Variants in RIC8B observed in about 807,000 individuals in gnomAD.
RIC8B encodes the protein RIC8 guanine nucleotide exchange factor B.
In RIC8B, 16 loss-of-function variants were observed where a neutral mutation model predicts 57.5. The ratio of observed to expected loss-of-function variants is 0.28; its 90% CI spans 0.19 to 0.42. RIC8B has a LOEUF of 0.42. Ranked by LOEUF, RIC8B falls within the 10% of genes least tolerant of loss-of-function variation. RIC8B has a pLI of 1.00. For missense variants in RIC8B, 481 were observed against 677.0 expected, an observed-to-expected ratio of 0.71 and a Z score of 3.21; for synonymous variants, 216 against 250.8, an observed-to-expected ratio of 0.86 and a Z score of 1.31.
At chr12:106,805,743 T>C (rs1350146551) in intron 2 of RIC8B, among the ~76,000 whole-genome samples, 1 of 152,190 alleles carries the variant, frequency 6.6e-6, no homozygotes, top group Admixed American at 6.5e-5. Context: ...CTGGATTAAT[T>C]CCAGACTCTT....
At chr12:106,877,343 C>T (rs772300993) in intron 9 of RIC8B, among the ~76,000 whole-genome samples, 10 of 152,078 alleles carry the variant, frequency 6.6e-5, no homozygotes, top group Non-Finnish European at 5.9e-5. Context: ...AAATTACCAA[C>T]AGCTCTCAAA....
At chr12:106,817,655 T>TAA (rs1179219365) in intron 3 of RIC8B, among the ~76,000 whole-genome samples, 5 of 144,664 alleles carry the variant, frequency 3.5e-5, no homozygotes, top group Non-Finnish European at 6.1e-5. Context: ...CCGTCTCTAC[T>TAA]AAAAAAAAAA....
intron 2 of RIC8B, among the ~76,000 whole-genome samples, chr12:106,785,528 C>A (rs1423905781): frequency 6.6e-6 from 1 of 152,056 alleles, no homozygotes. Context: ...TTGGAGTGCC[C>A]AGCACATAAT....
chr12:106,809,744 A>G (rs2045247670), intron 2 of RIC8B, among the ~76,000 whole-genome samples: 2 of 152,108 alleles, frequency 1.3e-5, no homozygotes, highest in African/African-American at 4.8e-5. Context: ...TACATGTGAT[A>G]CTTTGACACA....
Position 106,887,633 on chromosome 12 carries a change from G to T in RIC8B, c.*1618G>T, listed in dbSNP as rs1354893736. Reference sequence around the variant, plus strand: ...ACATGTTTTATTAGCTGGCTTTGAAGCTCACAAAAGAATGGCAAAGAAAGA... The same window carrying T: ...ACATGTTTTATTAGCTGGCTTTGAATCTCACAAAAGAATGGCAAAGAAAGA... On this transcript the variant is annotated 3_prime_UTR_variant, in exon 10 of 10. Coordinates refer to ENST00000392837, the MANE Select transcript of RIC8B (RefSeq NM_001330145.2). 1 of 152,178 alleles carries T rather than the reference G, an allele frequency of 6.6e-6. No individual in the cohort carries two copies. Among genetic ancestry groups the T allele is most frequent in the Non-Finnish European group, 1.5e-5 (1 of 68,040 alleles). 9.4% of individuals were successfully genotyped at this position (152,178 alleles called of 1,614,324 possible).
Position 106,887,319 on chromosome 12 carries a change from TG to T in RIC8B, c.*1307del. 1 of 152,636 alleles carries T rather than the reference TG, an allele frequency of 6.6e-6. No individual in the cohort carries two copies. Among genetic ancestry groups the T allele is most frequent in the Non-Finnish European group, 1.5e-5 (1 of 68,024 alleles). 9.5% of individuals were successfully genotyped at this position (152,636 alleles called of 1,614,324 possible). On this transcript the variant is annotated 3_prime_UTR_variant, in exon 10 of 10. Transcript: ENST00000392837. ...CTGTGTGTGTTTCTTTATAGATACA[TG>T]GGCTAAACAATACTATTTCACAGTT...
intron 1 of RIC8B, among the ~76,000 whole-genome samples, chr12:106,780,964 A>T (rs2043737799): frequency 6.6e-6 from 1 of 152,244 alleles, no homozygotes; most frequent in Non-Finnish European, 1.5e-5. Context: ...TTTAGTAAAC[A>T]GTAAGACTGG....
chr12:106,872,897 G>A (rs980745026), intron 9 of RIC8B: 2 of 396,448 alleles, frequency 5.0e-6, no homozygotes, highest in African/African-American at 4.4e-5. Context: ...TGGAAGACAG[G>A]GGAAATAACT....
chr12:106,784,533 A>T (rs1566031511), intron 2 of RIC8B, among the ~76,000 whole-genome samples: 1 of 151,910 alleles, frequency 6.6e-6, no homozygotes, highest in Non-Finnish European at 1.5e-5. Context: ...CCATTTTAAA[A>T]TTTTTTTGTA....
chr12:106,870,971 G>A (rs748198259), intron 9 of RIC8B, 29 bp downstream of exon 9: 5 of 1,535,968 alleles, frequency 3.3e-6, no homozygotes, highest in Non-Finnish European at 4.4e-6. Context: ...TTTTTTGCTT[G>A]GTTTCTAAAA....
chr12:106,858,823 T>C (rs929160158), intron 7 of RIC8B, among the ~76,000 whole-genome samples: 5 of 152,134 alleles, frequency 3.3e-5, no homozygotes, highest in African/African-American at 1.2e-4. Flanking sequence ...ATACCACTTA[T>C]TTTCGGTGTC....
chr12:106,792,407 G>C (rs2044297248), intron 2 of RIC8B, among the ~76,000 whole-genome samples: 1 of 152,200 alleles, frequency 6.6e-6, no homozygotes, highest in Non-Finnish European at 1.5e-5. Context: ...TAAGATTTCT[G>C]TCTGGGATAA....
intron 4 of RIC8B, among the ~76,000 whole-genome samples, chr12:106,834,983 CAAAAAAAAAAAAAAA>C (rs71072695): frequency 3.2e-5 from 1 of 31,280 alleles, no homozygotes; most frequent in Non-Finnish European, 6.4e-5. Flanking sequence ...GACTCTGTCT[CAAAAAAAAAAAAAAA>C]AAAAAAAAAA....
intron 1 of RIC8B, 58 bp downstream of exon 1, chr12:106,774,887 T>C: frequency 7.7e-7 from 1 of 1,291,932 alleles, no homozygotes. Context: ...CCTCCGTGCT[T>C]GCACATCGCA....
chr12:106,860,775 G>C lies in RIC8B; in HGVS notation c.1451+363G>C, dbSNP rs548979222. ...CACATATTTAAGTTGATTATTTGAT[G>C]CTTTAGTCTTTCTCAGAAATCTAAA... On this transcript the variant is annotated intron_variant, in intron 8 of 9. Coordinates refer to ENST00000392837, the MANE Select transcript of RIC8B (RefSeq NM_001330145.2). 1.1e-4 allele frequency among the ~76,000 whole-genome samples: 17 copies of C among 152,202 alleles called. No homozygotes were observed. In the South Asian group the frequency reaches 3.3e-3, roughly 30 times the overall value.
intron 4 of RIC8B, among the ~76,000 whole-genome samples, chr12:106,835,110 A>G (rs2046537042): frequency 6.7e-6 from 1 of 150,366 alleles, no homozygotes; most frequent in Non-Finnish European, 1.5e-5. Flanking sequence ...TACCGTTTCC[A>G]TGGCTTTACC....
At chr12:106,831,714 T>G (rs1408222747) in intron 4 of RIC8B, among the ~76,000 whole-genome samples, 2 of 152,238 alleles carry the variant, frequency 1.3e-5, no homozygotes, top group Non-Finnish European at 2.9e-5. Context: ...CTCTGCCTAA[T>G]AAATTGGGCA....
intron 2 of RIC8B, among the ~76,000 whole-genome samples, chr12:106,810,783 G>T (rs1379826366): frequency 6.6e-6 from 1 of 152,164 alleles, no homozygotes; most frequent in African/African-American, 2.4e-5. Context: ...TGAGGACTTT[G>T]ACATTTTACC....
chr12:106,799,635 C>T, intron 2 of RIC8B, among the ~76,000 whole-genome samples: 1 of 152,140 alleles, frequency 6.6e-6, no homozygotes, highest in East Asian at 1.9e-4. Context: ...GAGATAGATA[C>T]ATTTCTATCT....
Sources: gnomAD v4.1 joint callset for allele counts (sites outside exome capture counted in the v4.1 genomes callset) on GRCh38, gnomAD v4.1.1 for gene constraint, MANE v1.5 for transcripts, NCBI Gene and HGNC (gene_info 2026-07-23, HGNC 2026-07-21) for gene names.